Variants in WSB1 observed in about 807,000 individuals in gnomAD.
WSB1 encodes WD repeat and SOCS box containing 1.
Under a neutral mutation model 50.2 loss-of-function variants are expected in WSB1, and 23 were observed. The observed-to-expected ratio is 0.46, with a 90% CI of 0.33 to 0.65. The LOEUF is 0.65. Ranked by LOEUF, WSB1 falls within the 30% of genes least tolerant of loss-of-function variation. The pLI is 0.02. For synonymous variants in WSB1, 179 were observed against 172.0 expected (o/e 1.04, Z -0.32); for missense variants, 492 against 522.3 (o/e 0.94, Z 0.56).
chr17:27,295,754 C>T (rs1463731154), intron 1 of WSB1, among the ~76,000 whole-genome samples: 2 of 151,864 alleles, frequency 1.3e-5, no homozygotes, highest in Non-Finnish European at 1.5e-5. Context: ...ATGTTATAGA[C>T]GAGTGATCTG....
intron 6 of WSB1, among the ~76,000 whole-genome samples, chr17:27,309,518 T>C (rs1393887855): frequency 2.0e-5 from 3 of 152,224 alleles, no homozygotes; most frequent in Non-Finnish European, 4.4e-5. Flanking sequence ...TAATTATGTT[T>C]AGAGTTTTTG....
rs1007531963 is a variant in WSB1 at position 27,314,871 on chromosome 17, T to G, written c.*2502T>G. On this transcript the variant is annotated 3_prime_UTR_variant, in exon 9 of 9. Coordinates refer to ENST00000262394, the MANE Select transcript of WSB1 (RefSeq NM_015626.10). ...TTTTAGGACAGACGGCGTTTCACTG[T>G]TGGCCAGACTGGTCTCAAACTCCTG... The G allele has an allele frequency of 2.0e-5, 3 of 152,196 alleles. No homozygotes were observed. The East Asian group carries it at 5.8e-4, about 30-fold the overall frequency. The allele number at this position is 152,196 out of a possible 1,614,324, so 9.4% of individuals were successfully genotyped here.
At position 27,313,932 on chromosome 17, in the gene WSB1, C is replaced by G. The variant is rs548606574; in HGVS notation, c.*1563C>G. The G allele has an allele frequency of 6.6e-6, 1 of 152,266 alleles. No individual in the cohort carries two copies. Among genetic ancestry groups the G allele is most frequent in the South Asian group, 2.1e-4 (1 of 4,820 alleles). The allele number at this position is 152,266 out of a possible 1,614,324, so 9.4% of individuals were successfully genotyped here. On this transcript the variant is annotated 3_prime_UTR_variant, in exon 9 of 9. Coordinates refer to ENST00000262394, the MANE Select transcript of WSB1 (RefSeq NM_015626.10). The stretch of plus-strand genomic sequence containing the variant: ...GTATCTTTTAGTGGGGAACTACCAG[C>G]CTATAGTAAGTCTATCTGGTTAAAG...
Position 27,313,941 on chromosome 17 carries a change from A to C in WSB1, c.*1572A>C, listed in dbSNP as rs2017783323. Reference sequence around the variant, plus strand: ...AGTGGGGAACTACCAGCCTATAGTAAGTCTATCTGGTTAAAGTAGTTATTA... The same window carrying C: ...AGTGGGGAACTACCAGCCTATAGTACGTCTATCTGGTTAAAGTAGTTATTA... On this transcript the variant is annotated 3_prime_UTR_variant, in exon 9 of 9. Coordinates refer to ENST00000262394, the MANE Select transcript of WSB1 (RefSeq NM_015626.10). 1 of 152,222 alleles carries C rather than the reference A, an allele frequency of 6.6e-6. No homozygotes were observed. Among genetic ancestry groups the C allele is most frequent in the Non-Finnish European group, 1.5e-5 (1 of 68,050 alleles). 9.4% of individuals were successfully genotyped at this position (152,222 alleles called of 1,614,324 possible).
intron 1 of WSB1, 116 bp from the exon 2 acceptor site, chr17:27,301,672 A>T: frequency 9.3e-7 from 1 of 1,071,684 alleles, no homozygotes; most frequent in Non-Finnish European, 1.4e-6. Context: ...TGCAGAACTC[A>T]CTATACCCTG....
chr17:27,308,626 T>C, intron 5 of WSB1: 1 of 986,068 alleles, frequency 1.0e-6, no homozygotes, highest in Non-Finnish European at 1.2e-6. Flanking sequence ...GACCCAAGCC[T>C]ATTGTAAACA....
chr17:27,309,007 A>G, intron 5 of WSB1, 93 bp from the exon 6 acceptor site: 1 of 1,401,428 alleles, frequency 7.1e-7, no homozygotes, highest in East Asian at 2.5e-5. Flanking sequence ...GCTTAATATA[A>G]TCTTAATTAA....
chr17:27,295,190 AGT>A (rs1437204815), intron 1 of WSB1, among the ~76,000 whole-genome samples: 1 of 152,234 alleles, frequency 6.6e-6, no homozygotes, highest in Non-Finnish European at 1.5e-5. Flanking sequence ...CCTCTTTTAA[AGT>A]AAAATAACTG....
chr17:27,301,772 T>C lies in WSB1; in HGVS notation c.41-16T>C, dbSNP rs1282814089. On this transcript the variant is annotated splice_polypyrimidine_tract_variant and intron_variant, in intron 1 of 8. Coordinates refer to ENST00000262394, the MANE Select transcript of WSB1 (RefSeq NM_015626.10). ...TGGTTATATATGATATCCAGTATTT[T>C]TATTTTTCCTTTTAGTGAGATTACG... The C allele has an allele frequency of 1.2e-6, 2 of 1,612,458 alleles. No individual in the cohort carries two copies. Among genetic ancestry groups the C allele is most frequent in the South Asian group, 1.1e-5 (1 of 90,804 alleles).
chr17:27,314,719 G>T lies in WSB1; in HGVS notation c.*2350G>T, dbSNP rs1329629734. On this transcript the variant is annotated 3_prime_UTR_variant, in exon 9 of 9. Coordinates refer to ENST00000262394, the MANE Select transcript of WSB1 (RefSeq NM_015626.10). The stretch of plus-strand genomic sequence containing the variant: ...CTCACACTGTCACCTGGGCTGGAGT[G>T]CAGTGGTGCGATCTTGGCTCACTGC... The T allele has an allele frequency of 6.6e-6, 1 of 151,652 alleles. No homozygotes were observed. Among genetic ancestry groups the T allele is most frequent in the Non-Finnish European group, 1.5e-5 (1 of 67,958 alleles). The allele number at this position is 151,652 out of a possible 1,614,324, so 9.4% of individuals were successfully genotyped here.
At chr17:27,299,668 A>C (rs1199112532) in intron 1 of WSB1, among the ~76,000 whole-genome samples, 3 of 152,212 alleles carry the variant, frequency 2.0e-5, no homozygotes. Context: ...ACTAACTAGA[A>C]TTTATCCAGA....
intron 5 of WSB1, chr17:27,307,999 A>G (rs2017528051): frequency 1.6e-6 from 2 of 1,235,380 alleles, no homozygotes; most frequent in African/African-American, 1.6e-5. Flanking sequence ...AGTAAAATAC[A>G]CTGACTCCTG....
chr17:27,305,349 A>G (rs1348819422), intron 4 of WSB1, among the ~76,000 whole-genome samples: 2 of 152,038 alleles, frequency 1.3e-5, no homozygotes, highest in Non-Finnish European at 2.9e-5. Context: ...AACTTATAAC[A>G]TGTGAATATT....
In WSB1 at chr17:27,312,560, A is replaced by G; in HGVS notation, c.*191A>G. 1 of 699,414 alleles carries G rather than the reference A, an allele frequency of 1.4e-6. No homozygotes were observed. The highest frequency in any genetic ancestry group is 2.2e-6 in the Non-Finnish European group (1 of 458,796). The allele number at this position is 699,414 out of a possible 1,614,324, so 43.3% of individuals were successfully genotyped here. A position where few individuals can be genotyped will look rare whatever the true frequency, so the allele number is the denominator to read the frequency against. ...AGACAATAGAAGTATTTCTGAACAT[A>G]TCAAATATAAATTTTTTTAAAGATC... On this transcript the variant is annotated 3_prime_UTR_variant, in exon 9 of 9. Coordinates refer to ENST00000262394, the MANE Select transcript of WSB1 (RefSeq NM_015626.10).
Position 27,312,204 on chromosome 17 carries a change from G to A in WSB1, c.1107-6G>A. On this transcript the variant is annotated splice_region_variant and splice_polypyrimidine_tract_variant and intron_variant, in intron 8 of 8. Coordinates refer to ENST00000262394, the MANE Select transcript of WSB1 (RefSeq NM_015626.10). ...GTGACTAAGCATGTGCTTTGTTTCT[G>A]TTTAGGACACATGACGGAAGTGTGT... is the stretch of plus-strand genomic sequence containing the variant. 1 of 1,605,608 alleles carries A rather than the reference G, an allele frequency of 6.2e-7. No homozygotes were observed. Among genetic ancestry groups the A allele is most frequent in the Non-Finnish European group, 8.5e-7 (1 of 1,177,508 alleles).
chr17:27,306,109 G>A (rs2017441291), intron 4 of WSB1, among the ~76,000 whole-genome samples: 16 of 151,584 alleles, frequency 1.1e-4, no homozygotes, highest in Admixed American at 1.1e-3. Flanking sequence ...AGAATGAAAA[G>A]GCATTTTGAA....
chr17:27,308,566 A>C, intron 5 of WSB1: 1 of 985,862 alleles, frequency 1.0e-6, no homozygotes, highest in Non-Finnish European at 1.2e-6. Flanking sequence ...TTGGCTGTGA[A>C]TATTCTATTT....
intron 1 of WSB1, among the ~76,000 whole-genome samples, chr17:27,295,923 C>T (rs2016948612): frequency 6.6e-6 from 1 of 151,864 alleles, no homozygotes; most frequent in South Asian, 2.1e-4. Context: ...CTGCAACCTC[C>T]GGCTCCCGGT....
intron 5 of WSB1, chr17:27,307,954 T>C: frequency 1.6e-6 from 2 of 1,249,570 alleles, no homozygotes; most frequent in South Asian, 3.4e-5. Flanking sequence ...CTTTTCTTTC[T>C]TTCTTTTTTT....
Sources: allele counts gnomAD v4.1 joint callset (sites outside exome capture counted in the v4.1 genomes callset), GRCh38; gene constraint gnomAD v4.1.1; transcripts MANE v1.5; gene names NCBI Gene and HGNC (gene_info 2026-07-23, HGNC 2026-07-21).